Variants in TMEM44 observed in about 807,000 individuals in gnomAD.
TMEM44 encodes the protein transmembrane protein 44.
A neutral mutation model predicts 47.8 loss-of-function variants in TMEM44; 43 were observed. The ratio of observed to expected loss-of-function variants is 0.90; its 90% CI spans 0.70 to 1.16. The LOEUF (loss-of-function observed/expected upper bound fraction) is 1.16. TMEM44 is among the 50% of genes most tolerant of loss of function. TMEM44 has a pLI of 0.00. For synonymous variants in TMEM44, 277 were observed against 238.8 expected (o/e 1.16, Z -1.48); for missense variants, 568 against 555.2 (o/e 1.02, Z -0.23).
intron 3 of TMEM44, among the ~76,000 whole-genome samples, chr3:194,624,700 T>C (rs922864585): frequency 6.6e-6 from 1 of 150,946 alleles, no homozygotes; most frequent in Non-Finnish European, 1.5e-5. Context: ...ATTACAGGCA[T>C]GAGCCACCAC....
chr3:194,626,473 ATAG>A (rs2108601409), intron 2 of TMEM44, among the ~76,000 whole-genome samples: 1 of 152,328 alleles, frequency 6.6e-6, no homozygotes, highest in South Asian at 2.1e-4. Context: ...AGCTCCTCTG[ATAG>A]TAGAGTTAGC....
intron 9 of TMEM44, among the ~76,000 whole-genome samples, chr3:194,594,623 GAAA>G (rs564946122): frequency 2.3e-5 from 3 of 130,728 alleles, no homozygotes; most frequent in Non-Finnish European, 5.0e-5. Context: ...AACATAAACT[GAAA>G]AAAAAAAAAA....
At chr3:194,589,338 C>T (rs1281571698) in intron 9 of TMEM44, 4 of 152,302 alleles carry the variant, frequency 2.6e-5, no homozygotes, top group African/African-American at 7.2e-5. Flanking sequence ...TACCTCTTCC[C>T]CCAGGAAGCC....
At chr3:194,628,199 G>C (rs1717375364) in intron 2 of TMEM44, among the ~76,000 whole-genome samples, 184 bp downstream of exon 2, 1 of 152,220 alleles carries the variant, frequency 6.6e-6, no homozygotes, top group African/African-American at 2.4e-5. Flanking sequence ...AGGCAGCCAA[G>C]TGGATATTGG....
chr3:194,623,236 A>C lies in TMEM44; in HGVS notation c.600T>G (p.Pro200=). Reference sequence around the variant, plus strand: ...CCCCCGGCCTCACAATTCTGGAGAGAGGGGGGATCCGAGAAGCCCAGGAGC... The same window carrying C: ...CCCCCGGCCTCACAATTCTGGAGAGCGGGGGGATCCGAGAAGCCCAGGAGC... ...AFGSWASRIP[P]LSRICRGKTF... is the part of the protein sequence containing the mutation. Residue 200 remains proline, a synonymous_variant, in exon 5 of 10, where the codon CCT becomes CCG. Coordinates refer to ENST00000347147, the MANE Select transcript of TMEM44 (RefSeq NM_001011655.3). 6.2e-7 allele frequency: 1 copy of C among 1,609,876 alleles called. No individual in the cohort carries two copies.
At chr3:194,612,059 A>C (rs1332403071) in intron 7 of TMEM44, among the ~76,000 whole-genome samples, 1 of 150,784 alleles carries the variant, frequency 6.6e-6, no homozygotes, top group Non-Finnish European at 1.5e-5. Context: ...TAAATAAATA[A>C]AATACAGATT....
chr3:194,616,571 T>C lies in TMEM44; in HGVS notation c.783+528A>G, dbSNP rs772081068. 16 of 456,826 alleles carry C rather than the reference T, an allele frequency of 3.5e-5. 1 individual carries two copies. The highest frequency in any genetic ancestry group is 3.3e-4 in the Middle Eastern group (1 of 3,074). 28.3% of individuals were successfully genotyped at this position (456,826 alleles called of 1,614,324 possible). On this transcript the variant is annotated intron_variant, in intron 6 of 9. Coordinates refer to ENST00000347147, the MANE Select transcript of TMEM44 (RefSeq NM_001011655.3). The stretch of plus-strand genomic sequence containing the variant: ...GACACCAGGAGCCACTAGCAGCTCC[T>C]GCAGCTCCACTGGCAGCTGGAAGAG...
intron 2 of TMEM44, among the ~76,000 whole-genome samples, chr3:194,627,573 T>C (rs1268577706): frequency 2.6e-5 from 4 of 152,190 alleles, no homozygotes; most frequent in African/African-American, 9.6e-5. Flanking sequence ...TAAATGACTA[T>C]GTATTGGGCA....
chr3:194,621,852 C>A (rs1182820686), intron 5 of TMEM44, among the ~76,000 whole-genome samples: 1 of 152,150 alleles, frequency 6.6e-6, no homozygotes, highest in African/African-American at 2.4e-5. Flanking sequence ...GCTGGGATTA[C>A]AGGCACCCGC....
chr3:194,605,136 C>G (rs560118767), intron 8 of TMEM44, among the ~76,000 whole-genome samples: 20 of 143,146 alleles, frequency 1.4e-4, no homozygotes, highest in African/African-American at 3.5e-4. Flanking sequence ...ATCTATGTAT[C>G]TATCTATGTA....
At chr3:194,612,659 T>TTTTATATTCAAG (rs1262671034) in intron 7 of TMEM44, among the ~76,000 whole-genome samples, 1 of 151,924 alleles carries the variant, frequency 6.6e-6, no homozygotes, top group East Asian at 1.9e-4. Context: ...GAGGGAGCCA[T>TTTTATATTCAAG]TTTATATTCA....
At chr3:194,612,962 T>C (rs1038672863) in intron 7 of TMEM44, among the ~76,000 whole-genome samples, 24 of 152,192 alleles carry the variant, frequency 1.6e-4, no homozygotes, top group Non-Finnish European at 8.8e-5. Flanking sequence ...TATATTCAAG[T>C]CCTTACAAGC....
Position 194,623,271 on chromosome 3 carries a change from C to T in TMEM44, c.565G>A (p.Ala189Thr), listed in dbSNP as rs1330448561. Residue 189 changes from alanine (A) to threonine (T), a missense_variant, in exon 5 of 10, where the codon GCT becomes ACT. Transcript: ENST00000347147. ...EILGYLLGSV[A>T]AFGSWASRIP... ...CGAGAAGCCCAGGAGCCAAAGGCAG[C>T]AACGCTACCCAGCAGGTAGCCGAGG... is the stretch of plus-strand genomic sequence containing the variant. 3 of 1,611,644 alleles carry T rather than the reference C, an allele frequency of 1.9e-6. No homozygotes were observed. Among genetic ancestry groups the T allele is most frequent in the East Asian group, 4.5e-5 (2 of 44,798 alleles).
At chr3:194,626,134 C>G in intron 2 of TMEM44, 144 bp from the exon 3 acceptor site, 1 of 642,560 alleles carries the variant, frequency 1.6e-6, no homozygotes, top group Non-Finnish European at 2.8e-6. Flanking sequence ...CTCCTGCCAA[C>G]CCCGGAAAAG....
intron 9 of TMEM44, among the ~76,000 whole-genome samples, chr3:194,591,451 G>A (rs992316951): frequency 2.0e-5 from 3 of 152,200 alleles, no homozygotes; most frequent in African/African-American, 2.4e-5. Flanking sequence ...CCGAGATCAC[G>A]CCACTGTACT....
At chr3:194,624,366 C>T (rs775448045) in intron 3 of TMEM44, among the ~76,000 whole-genome samples, 3 of 152,114 alleles carry the variant, frequency 2.0e-5, no homozygotes, top group Non-Finnish European at 4.4e-5. Context: ...CTCTTCTGGG[C>T]AGCATTGAGC....
At chr3:194,590,593 G>A (rs893477183) in intron 9 of TMEM44, among the ~76,000 whole-genome samples, 1 of 152,256 alleles carries the variant, frequency 6.6e-6, no homozygotes, top group Admixed American at 6.5e-5. Context: ...TGATGAAAAC[G>A]GTTTCTAAGC....
chr3:194,603,671 TA>T (rs1353706753), intron 9 of TMEM44, among the ~76,000 whole-genome samples: 8 of 152,192 alleles, frequency 5.3e-5, no homozygotes, highest in African/African-American at 1.9e-4. Flanking sequence ...GTGCTGGGAT[TA>T]CAGGCGTGAG....
intron 9 of TMEM44, among the ~76,000 whole-genome samples, chr3:194,602,918 C>T (rs964321522): frequency 6.6e-6 from 1 of 152,182 alleles, no homozygotes; most frequent in South Asian, 2.1e-4. Flanking sequence ...CCAATTAAAA[C>T]CCAAACCAAA....
Sources: gnomAD v4.1 joint callset for allele counts (sites outside exome capture counted in the v4.1 genomes callset) on GRCh38, gnomAD v4.1.1 for gene constraint, MANE v1.5 for transcripts, NCBI Gene and HGNC (gene_info 2026-07-23, HGNC 2026-07-21) for gene names.